Variants in RSU1 observed in about 807,000 individuals in gnomAD.
The protein encoded by RSU1 is Ras suppressor protein 1.
In RSU1, 26 loss-of-function variants were observed where a neutral mutation model predicts 31.1. The ratio of observed to expected loss-of-function variants is 0.84; its 90% CI spans 0.61 to 1.16. RSU1 has a LOEUF of 1.16. Ranked by LOEUF, RSU1 falls within the 50% of genes most tolerant of loss-of-function variation. The pLI is 0.00. For synonymous variants in RSU1, 164 were observed against 136.3 expected, an observed-to-expected ratio of 1.20 and a Z score of -1.41; for missense variants, 320 against 339.1, an observed-to-expected ratio of 0.94 and a Z score of 0.44.
intron 2 of RSU1, among the ~76,000 whole-genome samples, chr10:16,816,703 G>A (rs1838540183): frequency 6.6e-6 from 1 of 152,184 alleles, no homozygotes; most frequent in Non-Finnish European, 1.5e-5. Flanking sequence ...GCAAACTGTG[G>A]AAAATCCACC....
intron 8 of RSU1, among the ~76,000 whole-genome samples, chr10:16,650,950 T>C (rs183384236): frequency 6.6e-6 from 1 of 152,298 alleles, no homozygotes; most frequent in Admixed American, 6.5e-5. Flanking sequence ...TTCATTCATG[T>C]TTTTAATATT....
chr10:16,707,886 C>CT (rs200326390), intron 7 of RSU1, among the ~76,000 whole-genome samples: 23 of 151,794 alleles, frequency 1.5e-4, no homozygotes, highest in African/African-American at 4.6e-4. Flanking sequence ...TTTGATTTTT[C>CT]TTTTTTTTGG....
At chr10:16,692,205 A>G (rs2131559874) in intron 8 of RSU1, among the ~76,000 whole-genome samples, 1 of 152,342 alleles carries the variant, frequency 6.6e-6, no homozygotes, top group African/African-American at 2.4e-5. Flanking sequence ...AAAAACAGAT[A>G]TACCAATTAT....
chr10:16,638,474 T>C (rs924026226), intron 8 of RSU1, among the ~76,000 whole-genome samples: 2 of 152,188 alleles, frequency 1.3e-5, no homozygotes, highest in African/African-American at 4.8e-5. Context: ...AAGTATAAAC[T>C]AGCACGGCAT....
chr10:16,809,243 T>C (rs1838349037), intron 2 of RSU1, among the ~76,000 whole-genome samples: 1 of 152,208 alleles, frequency 6.6e-6, no homozygotes, highest in African/African-American at 2.4e-5. Context: ...AAACATGCTC[T>C]GATCAGCACT....
intron 8 of RSU1, among the ~76,000 whole-genome samples, chr10:16,618,264 A>T (rs148791406): frequency 2.6e-5 from 4 of 152,342 alleles, no homozygotes; most frequent in African/African-American, 9.6e-5. Context: ...TGCAAATCAA[A>T]ACCACAATGA....
chr10:16,775,286 G>A (rs1259006046), intron 3 of RSU1, among the ~76,000 whole-genome samples: 1 of 152,074 alleles, frequency 6.6e-6, no homozygotes, highest in Admixed American at 6.6e-5. Context: ...GATCAGCCCC[G>A]CACATGGGCT....
chr10:16,595,471 G>A (rs183767250), intron 8 of RSU1, among the ~76,000 whole-genome samples: 118 of 152,324 alleles, frequency 7.7e-4, no homozygotes, highest in African/African-American at 2.8e-3. Context: ...CCTACGAGCC[G>A]GAGCGTGCAC....
At chr10:16,757,396 A>AG (rs1282074824) in intron 4 of RSU1, among the ~76,000 whole-genome samples, 2 of 152,140 alleles carry the variant, frequency 1.3e-5, no homozygotes, top group Admixed American at 6.5e-5. Flanking sequence ...CTGACAGCAG[A>AG]GGGGGCAACC....
chr10:16,678,945 TA>T (rs944049774), intron 8 of RSU1, among the ~76,000 whole-genome samples: 360 of 143,068 alleles, frequency 2.5e-3, no homozygotes, highest in African/African-American at 5.5e-3. Flanking sequence ...AGATTTGAAT[TA>T]AAAAAAAAAA....
At chr10:16,676,333 AT>A (rs1259569859) in intron 8 of RSU1, among the ~76,000 whole-genome samples, 1 of 152,236 alleles carries the variant, frequency 6.6e-6, no homozygotes, top group Non-Finnish European at 1.5e-5. Context: ...GCAAAGGCAC[AT>A]CTTACATGGT....
chr10:16,770,531 A>G (rs1429252267), intron 3 of RSU1, among the ~76,000 whole-genome samples: 2 of 152,206 alleles, frequency 1.3e-5, no homozygotes, highest in African/African-American at 4.8e-5. Context: ...TGGGGGCTGC[A>G]CTACACCCAA....
At chr10:16,773,866 G>A (rs1193003047) in intron 3 of RSU1, among the ~76,000 whole-genome samples, 1 of 150,966 alleles carries the variant, frequency 6.6e-6, no homozygotes, top group African/African-American at 2.4e-5. Context: ...AGAGAAAGGG[G>A]TAGGAACATC....
chr10:16,769,633 A>G (rs562081645), intron 3 of RSU1, among the ~76,000 whole-genome samples: 6 of 152,346 alleles, frequency 3.9e-5, no homozygotes, highest in Admixed American at 2.6e-4. Flanking sequence ...TGAATTTCCA[A>G]CAACTTCCCA....
At chr10:16,649,501 A>C (rs1219182323) in intron 8 of RSU1, among the ~76,000 whole-genome samples, 1 of 152,204 alleles carries the variant, frequency 6.6e-6, no homozygotes, top group Non-Finnish European at 1.5e-5. Flanking sequence ...AAAAATTGTA[A>C]CTTTGCAATA....
At chr10:16,651,864 CTA>C (rs918819811) in intron 8 of RSU1, among the ~76,000 whole-genome samples, 4 of 152,112 alleles carry the variant, frequency 2.6e-5, no homozygotes, top group Non-Finnish European at 5.9e-5. Flanking sequence ...TAATGTAACA[CTA>C]TGTGTTTGCC....
Position 16,617,238 on chromosome 10 carries a change from G to A in RSU1, c.732-23742C>T, listed in dbSNP as rs573995490. Among the ~76,000 whole-genome samples the A allele has an allele frequency of 2.6e-5, 4 of 152,210 alleles. No homozygotes were observed. In the South Asian group the frequency reaches 8.3e-4, roughly 32 times the overall value. On this transcript the variant is annotated intron_variant, in intron 8 of 8. Coordinates refer to ENST00000345264, the MANE Select transcript of RSU1 (RefSeq NM_012425.4). Reference sequence around the variant, plus strand: ...CATGAGTGAGCTCCCATTCACAATTGCTACAAAGAGAATAAAATACCTAGG... The same window carrying A: ...CATGAGTGAGCTCCCATTCACAATTACTACAAAGAGAATAAAATACCTAGG...
intron 7 of RSU1, among the ~76,000 whole-genome samples, chr10:16,698,885 G>T (rs1223542246): frequency 1.3e-5 from 2 of 152,214 alleles, no homozygotes; most frequent in Non-Finnish European, 2.9e-5. Context: ...GGAGGGTACA[G>T]ATGACTGGGT....
chr10:16,793,353 A>G (rs17139206), intron 2 of RSU1, among the ~76,000 whole-genome samples: 27,948 of 152,044 alleles, frequency 0.18, 2,641 homozygotes, highest in African/African-American at 0.22. Context: ...AATTGAACAT[A>G]AATGACAACT....
Sources: allele counts gnomAD v4.1 joint callset (sites outside exome capture counted in the v4.1 genomes callset), GRCh38; gene constraint gnomAD v4.1.1; transcripts MANE v1.5; gene names NCBI Gene and HGNC (gene_info 2026-07-23, HGNC 2026-07-21).